HEPH: variants seen among roughly 807,000 people sequenced by gnomAD.
HEPH encodes the protein hephaestin.
In HEPH, 69 loss-of-function variants were observed where a neutral mutation model predicts 80.8. That is an observed-to-expected ratio of 0.85 (90% CI 0.70 to 1.04). The LOEUF (loss-of-function observed/expected upper bound fraction) is 1.04, where lower values mean the gene tolerates loss of function less well. Ranked by LOEUF, HEPH falls within the 50% of genes least tolerant of loss-of-function variation. The pLI is 0.00. For synonymous variants in HEPH, 431 were observed against 322.8 expected (o/e 1.34, Z -3.60); for missense variants, 1,115 against 891.3 (o/e 1.25, Z -3.20).
intron 11 of HEPH, 111 bp from the exon 12 acceptor site, chrX:66,200,429 G>A (rs1926340): frequency 1.3e-4 from 74 of 551,075 alleles, no homozygotes; most frequent in Middle Eastern, 4.4e-4. Context: ...GGATGACTCA[G>A]CAGTTTCAAG....
At chrX:66,260,022 A>AT in intron 18 of HEPH, 78 bp from the exon 19 acceptor site, 6 of 932,246 alleles carry the variant, frequency 6.4e-6, no homozygotes, top group Admixed American at 4.6e-5. Flanking sequence ...GGACATCACA[A>AT]TTTTTTGGTT....
At chrX:66,195,363 AATAAT>A (rs1234928305) in intron 9 of HEPH, 134 bp downstream of exon 9, 25 of 426,743 alleles carry the variant, frequency 5.9e-5, no homozygotes, top group Non-Finnish European at 4.5e-5. Flanking sequence ...TGAATGAATG[AATAAT>A]ATAATAGTAA....
chrX:66,162,762 T>C (rs1368936016), upstream of HEPH: 1 of 1,153,838 alleles, frequency 8.7e-7, no homozygotes, highest in African/African-American at 1.8e-5. Context: ...CTCAGTCTTC[T>C]GAATGTTCTC....
chrX:66,236,265 C>T (rs1331695393), intron 15 of HEPH, among the ~76,000 whole-genome samples: 2 of 111,154 alleles, frequency 1.8e-5, no homozygotes, highest in Admixed American at 1.9e-4. Flanking sequence ...ATAGATGGCT[C>T]TTATTATTTT....
intron 3 of HEPH, among the ~76,000 whole-genome samples, chrX:66,173,249 GTGTT>G (rs1172903328): frequency 8.9e-6 from 1 of 112,032 alleles, no homozygotes; most frequent in Non-Finnish European, 1.9e-5. Flanking sequence ...TTTTAAGTGA[GTGTT>G]TGAAGGGAGG....
intron 17 of HEPH, 109 bp from the exon 18 acceptor site, chrX:66,258,731 T>C: frequency 1.8e-6 from 1 of 558,291 alleles, no homozygotes; most frequent in Non-Finnish European, 2.7e-6. Context: ...AGCCCATTGC[T>C]ATCTTCGGTA....
intron 15 of HEPH, among the ~76,000 whole-genome samples, chrX:66,212,185 T>G (rs1373203219): frequency 5.2e-5 from 4 of 76,280 alleles, no homozygotes; most frequent in African/African-American, 2.4e-4. Context: ...CTTTTTAATG[T>G]GTTTTTTTTT....
Position 66,199,040 on chromosome X carries a change from A to G in HEPH, c.1864+12A>G, listed in dbSNP as rs2088271314. 8.3e-7 allele frequency: 1 copy of G among 1,199,737 alleles called. No individual in the cohort carries two copies. Among genetic ancestry groups the G allele is most frequent in the Non-Finnish European group, 1.1e-6 (1 of 887,726 alleles). On this transcript the variant is annotated intron_variant, in intron 11 of 20. Transcript: ENST00000343002. ...CAATCGGATGCATGGTATGGGGAGTACTTTTGCCCTGGGCTAAATTGAGGG... is the reference window on the plus strand; with the variant it reads ...CAATCGGATGCATGGTATGGGGAGTGCTTTTGCCCTGGGCTAAATTGAGGG...
At chrX:66,199,081 A>G in intron 11 of HEPH, 53 bp downstream of exon 11, 1 of 1,103,552 alleles carries the variant, frequency 9.1e-7, no homozygotes, top group South Asian at 1.9e-5. Context: ...AGTAAAATCT[A>G]ACTTTAACCG....
At chrX:66,174,071 TTG>T (rs1209321380) in intron 4 of HEPH, among the ~76,000 whole-genome samples, 1 of 110,122 alleles carries the variant, frequency 9.1e-6, no homozygotes. Flanking sequence ...CATGAATAAG[TTG>T]TTTAGCGGTG....
chrX:66,261,098 G>A (rs765435753), intron 19 of HEPH, among the ~76,000 whole-genome samples: 2 of 110,698 alleles, frequency 1.8e-5, no homozygotes, highest in Admixed American at 1.9e-4. Flanking sequence ...TTTTAGGCAG[G>A]GTTTTGCCTA....
At chrX:66,206,260 T>C (rs980086003) in intron 13 of HEPH, among the ~76,000 whole-genome samples, 2 of 107,976 alleles carry the variant, frequency 1.9e-5, no homozygotes, top group Non-Finnish European at 3.8e-5. Flanking sequence ...TGGCTTCTGA[T>C]TCTTAGCCCA....
Position 66,256,299 on chromosome X carries a change from T to G in HEPH, c.2865T>G (p.Asp955Glu). The G allele has an allele frequency of 1.7e-6, 2 of 1,209,627 alleles. No individual in the cohort carries two copies. Among genetic ancestry groups the G allele is most frequent in the Non-Finnish European group, 2.2e-6 (2 of 893,932 alleles). Reference protein sequence around the residue: ...SQDPGSINLQDETFLESNKMH... With the variant: ...SQDPGSINLQEETFLESNKMH... ...ATCCAGGCAGTATTAACCTACAGGA[T>G]GAAACTTTCTTGGAGAGCAATAAAA... is the stretch of plus-strand genomic sequence containing the variant. Residue 955 changes from aspartate to glutamate, a missense_variant, in exon 17 of 21, where the codon GAT (aspartate) becomes GAG (glutamate). Coordinates refer to ENST00000343002, the MANE Select transcript of HEPH (RefSeq NM_001367233.3).
chrX:66,170,934 C>A (rs1040963478), intron 2 of HEPH, among the ~76,000 whole-genome samples, 197 bp downstream of exon 2: 1 of 111,324 alleles, frequency 9.0e-6, no homozygotes, highest in African/African-American at 3.3e-5. Context: ...CTGGAGTTTG[C>A]CGTAACATTT....
At chrX:66,163,158 A>G (rs1245154948), upstream of HEPH, among the ~76,000 whole-genome samples, 1 of 111,562 alleles carries the variant, frequency 9.0e-6, no homozygotes, top group Non-Finnish European at 1.9e-5. Context: ...AGAAATAGAA[A>G]GAGGCCCAGA....
Position 66,260,080 on chromosome X carries a change from A to G in HEPH, c.3037-20A>G. The G allele has an allele frequency of 8.3e-7, 1 of 1,200,382 alleles. No homozygotes were observed. Among genetic ancestry groups the G allele is most frequent in the Non-Finnish European group, 1.1e-6 (1 of 886,914 alleles). On this transcript the variant is annotated intron_variant, in intron 18 of 20. Transcript: ENST00000343002. Reference sequence around the variant, plus strand: ...TTATACCCTTCACTTCCTCTCCCTCATTCCCAATCTCTCTTGCAGAATGGC... The same window carrying G: ...TTATACCCTTCACTTCCTCTCCCTCGTTCCCAATCTCTCTTGCAGAATGGC...
intron 15 of HEPH, among the ~76,000 whole-genome samples, chrX:66,228,910 C>T (rs769312284): frequency 1.8e-5 from 2 of 112,030 alleles, no homozygotes; most frequent in Non-Finnish European, 3.8e-5. Context: ...GTGAAAAGGG[C>T]ACACTTTTAA....
At chrX:66,233,021 A>T (rs988248799) in intron 15 of HEPH, among the ~76,000 whole-genome samples, 1 of 111,142 alleles carries the variant, frequency 9.0e-6, no homozygotes. Context: ...CCAAAAAATC[A>T]TTAACCTACA....
At chrX:66,205,600 C>CTT (rs35954260) in intron 13 of HEPH, among the ~76,000 whole-genome samples, 15 of 99,049 alleles carry the variant, frequency 1.5e-4, no homozygotes, top group African/African-American at 4.1e-4. Context: ...ATTTTTCATG[C>CTT]TTTTTTTTTT....
Sources: gnomAD v4.1 joint callset for allele counts (sites outside exome capture counted in the v4.1 genomes callset) on GRCh38, gnomAD v4.1.1 for gene constraint, MANE v1.5 for transcripts, NCBI Gene and HGNC (gene_info 2026-07-23, HGNC 2026-07-21) for gene names.